The following ZSCAN4 variants were observed in gnomAD, a reference collection of about 807,000 sequenced individuals.
ZSCAN4 encodes zinc finger and SCAN domain-containing protein 4.
ZSCAN4 carries 18 observed loss-of-function variants against 18.3 expected under a neutral mutation model. That is an observed-to-expected ratio of 0.98 (90% CI 0.68 to 1.46). ZSCAN4 has a LOEUF of 1.46. ZSCAN4 is among the 40% of genes most tolerant of loss of function. The pLI, the probability that ZSCAN4 is intolerant of heterozygous loss-of-function variation, is 0.00. For missense variants in ZSCAN4, 498 were observed against 511.4 expected, an observed-to-expected ratio of 0.97 and a Z score of 0.25; for synonymous variants, 193 against 180.3, an observed-to-expected ratio of 1.07 and a Z score of -0.57.
At chr19:57,656,418 C>T in the ZSCAN4 span, among the ~76,000 whole-genome samples, 1 of 152,220 alleles carries the variant, frequency 6.6e-6, no homozygotes, top group Non-Finnish European at 1.5e-5. Flanking sequence ...TATTCCCTCC[C>T]ACATCCACAA....
chr19:57,656,594 G>A, the ZSCAN4 span, among the ~76,000 whole-genome samples: 1 of 152,180 alleles, frequency 6.6e-6, no homozygotes, highest in Non-Finnish European at 1.5e-5. Context: ...CATCAGGCAT[G>A]AGGCCATTTC....
the ZSCAN4 span, among the ~76,000 whole-genome samples, chr19:57,655,910 C>T: frequency 6.6e-6 from 1 of 152,038 alleles, no homozygotes; most frequent in African/African-American, 2.4e-5. Context: ...TTGCCAAACA[C>T]AAGCTCCTAG....
At chr19:57,657,629 A>C in the ZSCAN4 span, among the ~76,000 whole-genome samples, 3 of 152,198 alleles carry the variant, frequency 2.0e-5, no homozygotes, top group Non-Finnish European at 4.4e-5. Flanking sequence ...TAACCTCAAG[A>C]GATGGAAACG....
At chr19:57,654,062 C>A in the ZSCAN4 span, among the ~76,000 whole-genome samples, 1 of 152,196 alleles carries the variant, frequency 6.6e-6, no homozygotes, top group African/African-American at 2.4e-5. Flanking sequence ...GGATACTGGG[C>A]AACATACTCA....
upstream of ZSCAN4, among the ~76,000 whole-genome samples, chr19:57,665,333 G>C (rs1461341941): frequency 6.6e-6 from 1 of 152,030 alleles, no homozygotes; most frequent in African/African-American, 2.4e-5. Flanking sequence ...GGCTTCTGGC[G>C]GTTCTTCCCA....
the ZSCAN4 span, among the ~76,000 whole-genome samples, chr19:57,655,849 T>C: frequency 6.6e-6 from 1 of 152,064 alleles, no homozygotes; most frequent in South Asian, 2.1e-4. Flanking sequence ...ACATGGTTCA[T>C]TGATGGGAGC....
chr19:57,662,903 T>G, the ZSCAN4 span, among the ~76,000 whole-genome samples: 25 of 150,398 alleles, frequency 1.7e-4, no homozygotes, highest in African/African-American at 5.4e-4. Flanking sequence ...TGTTGTTGTT[T>G]AACAGGCTGT....
the ZSCAN4 span, among the ~76,000 whole-genome samples, chr19:57,656,439 G>C: frequency 6.6e-6 from 1 of 152,136 alleles, no homozygotes; most frequent in Non-Finnish European, 1.5e-5. Context: ...CCACTTCCAT[G>C]CTGGTTATTA....
intron 2 of ZSCAN4, among the ~76,000 whole-genome samples, chr19:57,675,483 T>A (rs1984155362): frequency 6.6e-6 from 1 of 152,148 alleles, no homozygotes; most frequent in Non-Finnish European, 1.5e-5. Context: ...TGCCTCACCA[T>A]GTTGGCCAGG....
the ZSCAN4 span, among the ~76,000 whole-genome samples, chr19:57,654,522 G>A: frequency 0.14 from 22,026 of 151,958 alleles, 2,685 homozygotes; most frequent in African/African-American, 0.33. Context: ...AAACTCATTC[G>A]TTGGAAATTC....
intron 2 of ZSCAN4, among the ~76,000 whole-genome samples, chr19:57,675,140 G>GC: frequency 7.4e-6 from 1 of 135,446 alleles, no homozygotes; most frequent in Non-Finnish European, 1.6e-5. Context: ...TGTGCGTGTG[G>GC]CTTTTTTTTT....
At chr19:57,658,904 T>C in the ZSCAN4 span, among the ~76,000 whole-genome samples, 3 of 151,250 alleles carry the variant, frequency 2.0e-5, no homozygotes, top group African/African-American at 7.3e-5. Context: ...CTTAATCTTA[T>C]AAAGAACATC....
upstream of ZSCAN4, chr19:57,665,128 G>A (rs1983821709): frequency 6.5e-6 from 1 of 153,034 alleles, no homozygotes; most frequent in Non-Finnish European, 1.5e-5. Context: ...AGCCGCTGCT[G>A]GCTGGAAGCA....
At chr19:57,678,767 A>G in exon 5 of ZSCAN4, 1 of 1,614,062 alleles carries the variant, frequency 6.2e-7, no homozygotes, top group Non-Finnish European at 8.5e-7. Context: ...CTCATGAGAG[A>G]ATCCACACAG....
chr19:57,651,682 A>T, the ZSCAN4 span, among the ~76,000 whole-genome samples: 1 of 152,160 alleles, frequency 6.6e-6, no homozygotes, highest in Non-Finnish European at 1.5e-5. Context: ...GTTCACTTGG[A>T]GGAATCCCTT....
the ZSCAN4 span, among the ~76,000 whole-genome samples, chr19:57,662,070 G>C: frequency 5.1e-5 from 6 of 117,724 alleles, no homozygotes; most frequent in African/African-American, 2.0e-4. Context: ...AACAGAGCGA[G>C]ACTCTGTCTC....
chr19:57,667,038 T>C (rs372496583), upstream of ZSCAN4, among the ~76,000 whole-genome samples: 18 of 152,220 alleles, frequency 1.2e-4, no homozygotes, highest in African/African-American at 3.9e-4. Flanking sequence ...GTTGAGATGA[T>C]GCTGGATGTA....
chr19:57,675,603 T>C (rs1224327679), intron 2 of ZSCAN4, among the ~76,000 whole-genome samples: 1 of 152,226 alleles, frequency 6.6e-6, no homozygotes, highest in Non-Finnish European at 1.5e-5. Flanking sequence ...CTAATAGTTC[T>C]AGTTTATTAA....
exon 4 of ZSCAN4, chr19:57,677,956 G>T: frequency 1.3e-6 from 2 of 1,582,712 alleles, no homozygotes; most frequent in Non-Finnish European, 1.7e-6. Flanking sequence ...CTTTTCTGAG[G>T]ATATGCCCTT....
Sources: allele counts gnomAD v4.1 joint callset (sites outside exome capture counted in the v4.1 genomes callset), GRCh38; gene constraint gnomAD v4.1.1; transcripts MANE v1.5; gene names NCBI Gene and HGNC (gene_info 2026-07-23, HGNC 2026-07-21).